The following BRCA2 variants were observed in gnomAD, a reference collection of about 807,000 sequenced individuals.
The protein encoded by BRCA2 is breast cancer type 2 susceptibility protein.
BRCA2 carries 203 observed loss-of-function variants against 276.7 expected under a neutral mutation model. The ratio of observed to expected loss-of-function variants is 0.73; its 90% CI spans 0.65 to 0.82. The LOEUF (loss-of-function observed/expected upper bound fraction) is 0.82, where lower values mean the gene tolerates loss of function less well. BRCA2 is among the 40% of genes least tolerant of loss of function. The pLI, the probability that BRCA2 is intolerant of heterozygous loss-of-function variation, is 0.00. For missense variants in BRCA2, 3,920 were observed against 3,915.0 expected, an observed-to-expected ratio of 1.00 and a Z score of -0.03; for synonymous variants, 1,289 against 1,338.4, an observed-to-expected ratio of 0.96 and a Z score of 0.81.
In BRCA2 at chr13:32,337,740, C is replaced by CA. The variant is rs431825305; in HGVS notation, c.3386dup (p.Phe1130ValfsTer2). ...ATCAGGAAGTCAGTTTGAATTTACT[C>CA]AGTTTAGAAAACCAAGCTACATATT... On this transcript the variant is annotated frameshift_variant, in exon 11 of 27. Transcript: ENST00000380152. LOFTEE classifies it high-confidence loss of function. The CA allele has an allele frequency of 6.2e-7, 1 of 1,613,608 alleles. No individual in the cohort carries two copies. The highest frequency in any genetic ancestry group is 8.5e-7 in the Non-Finnish European group (1 of 1,179,784).
intron 9 of BRCA2, 68 bp from the exon 10 acceptor site, chr13:32,332,204 G>C (rs1288838463): frequency 1.4e-6 from 2 of 1,398,776 alleles, no homozygotes; most frequent in Non-Finnish European, 2.0e-6. Flanking sequence ...TATGAGAAAG[G>C]TTGTGAGAAT....
intron 15 of BRCA2, 28 bp from the exon 16 acceptor site, chr13:32,357,710 TTTTC>T: frequency 6.3e-7 from 1 of 1,594,148 alleles, no homozygotes; most frequent in Non-Finnish European, 8.6e-7. Context: ...TTTAAATTGT[TTTTC>T]TTTTTTGTGT....
intron 13 of BRCA2, among the ~76,000 whole-genome samples, chr13:32,351,149 G>GT (rs2072647339): frequency 6.6e-6 from 1 of 152,132 alleles, no homozygotes; most frequent in Non-Finnish European, 1.5e-5. Flanking sequence ...TGGAATCTTT[G>GT]TTTTTTCACT....
intron 22 of BRCA2, 25 bp from the exon 23 acceptor site, chr13:32,379,725 A>G: frequency 6.2e-7 from 1 of 1,600,280 alleles, no homozygotes; most frequent in Non-Finnish European, 8.6e-7. Context: ...CTTCCATTGC[A>G]TCTTTCTCAT....
chr13:32,344,042 T>G (rs2072591962), intron 11 of BRCA2, among the ~76,000 whole-genome samples: 1 of 152,078 alleles, frequency 6.6e-6, no homozygotes, highest in Admixed American at 6.6e-5. Context: ...GTAGAATTTT[T>G]AAATAAGAAT....
At position 32,337,654 on chromosome 13, in the gene BRCA2, A is replaced by G; in HGVS notation, c.3299A>G (p.Asn1100Ser). Residue 1100 changes from asparagine to serine, a missense_variant, in exon 11 of 27, where the codon AAC (asparagine) becomes AGC (serine). Physicochemically the swap from Asn to Ser is conservative, Grantham distance 46. Coordinates refer to ENST00000380152, the MANE Select transcript of BRCA2 (RefSeq NM_000059.4). ...TTTTCCAAGCAGGATTTTAATTCAA[A>G]CCATAATTTAACACCTAGCCAAAAG... ...MLFSKQDFNSNHNLTPSQKAE... is the reference protein window; with the variant it reads ...MLFSKQDFNSSHNLTPSQKAE... 1 of 1,588,766 alleles carries G rather than the reference A, an allele frequency of 6.3e-7. No homozygotes were observed.
rs878853612 is a variant in BRCA2 at position 32,376,779 on chromosome 13, A to G, written c.8742A>G (p.Pro2914=). 1.2e-6 allele frequency: 2 copies of G among 1,614,032 alleles called. No individual in the cohort carries two copies. Among genetic ancestry groups the G allele is most frequent in the Non-Finnish European group, 1.7e-6 (2 of 1,180,024 alleles). The change falls in exon 21 of 27, where the codon CCA becomes CCG. Residue 2914 remains proline, a synonymous_variant. Transcript: ENST00000380152. ...LYEAVKNAAD[P]AYLEGYFSEE... is the part of the protein sequence containing the mutation. Reference sequence around the variant, plus strand: ...AAGCAGTGAAGAATGCAGCAGACCCAGCTTACCTTGAGGTGAGAGAGTAAG... The same window carrying G: ...AAGCAGTGAAGAATGCAGCAGACCCGGCTTACCTTGAGGTGAGAGAGTAAG...
At chr13:32,396,874 C>A in intron 25 of BRCA2, 24 bp from the exon 26 acceptor site, 1 of 1,613,782 alleles carries the variant, frequency 6.2e-7, no homozygotes, top group Non-Finnish European at 8.5e-7. Flanking sequence ...ATTTATAAAG[C>A]AGCTTTTCCA....
At position 32,385,412 on chromosome 13, in the gene BRCA2, C is replaced by T. The variant is rs546264093; in HGVS notation, c.9256+5267C>T. On this transcript the variant is annotated intron_variant, in intron 24 of 26. Coordinates refer to ENST00000380152, the MANE Select transcript of BRCA2 (RefSeq NM_000059.4). ...GCTCTGGCCAATACGTCCATGCAGA[C>T]CTTTGTCTTTGGATATGTCTTTGGA... 11 of 215,296 alleles carry T rather than the reference C, an allele frequency of 5.1e-5. No homozygotes were observed. The East Asian group carries it at 1.0e-3, about 20-fold the overall frequency. The allele number at this position is 215,296 out of a possible 1,614,324, so 13.3% of individuals were successfully genotyped here. A position where few individuals can be genotyped will look rare whatever the true frequency, so the allele number is the denominator to read the frequency against.
At chr13:32,359,390 A>G (rs1167392875) in intron 16 of BRCA2, among the ~76,000 whole-genome samples, 2 of 152,164 alleles carry the variant, frequency 1.3e-5, no homozygotes, top group African/African-American at 4.8e-5. Flanking sequence ...CAATAATGCC[A>G]AATAACTAGA....
rs746274489 is a variant in BRCA2 at position 32,339,372 on chromosome 13, A to T, written c.5017A>T (p.Thr1673Ser). Residue 1673 changes from threonine to serine, a missense_variant, in exon 11 of 27, where the codon ACA (threonine) becomes TCA (serine). Physicochemically the swap from Thr to Ser is moderately conservative, Grantham distance 58. Coordinates refer to ENST00000380152, the MANE Select transcript of BRCA2 (RefSeq NM_000059.4). ...TGAAAATTCAGCCTTAGCTTTTTAC[A>T]CAAGTTGTAGTAGAAAAACTTCTGT... ...VIENSALAFY[T>S]SCSRKTSVSQ... 6.3e-7 allele frequency: 1 copy of T among 1,591,734 alleles called. No homozygotes were observed. The highest frequency in any genetic ancestry group is 1.4e-5 in the African/African-American group (1 of 73,750).
chr13:32,322,651 A>G (rs1458192839), intron 3 of BRCA2, among the ~76,000 whole-genome samples: 1 of 152,222 alleles, frequency 6.6e-6, no homozygotes, highest in East Asian at 1.9e-4. Flanking sequence ...CGTGGGTGTC[A>G]TGGCCATCAC....
intron 16 of BRCA2, among the ~76,000 whole-genome samples, chr13:32,361,984 T>C (rs2072740173): frequency 6.6e-6 from 1 of 152,166 alleles, no homozygotes; most frequent in Non-Finnish European, 1.5e-5. Flanking sequence ...GGAACAAATA[T>C]GAGTTGAAAT....
Position 32,380,604 on chromosome 13 carries a change from T to A in BRCA2, c.9256+459T>A, listed in dbSNP as rs206145. Among the ~76,000 whole-genome samples, 145,381 of 148,146 alleles carry A rather than the reference T, an allele frequency of 0.98. 71,397 individuals carry two copies. The highest frequency in any genetic ancestry group is 1 in the East Asian group (4,975 of 4,976). On this transcript the variant is annotated intron_variant, in intron 24 of 26. Transcript: ENST00000380152. ...TGCCCAGGCTGGAGTGCAGTGGCGC[T>A]ATCTCAGCCCACTGCAAGTTCTGCC...
At chr13:32,353,570 A>G (rs1487902662) in intron 13 of BRCA2, among the ~76,000 whole-genome samples, 2 of 152,130 alleles carry the variant, frequency 1.3e-5, no homozygotes, top group East Asian at 3.9e-4. Context: ...TGCTCCAGGC[A>G]CACTTGTGTC....
chr13:32,337,230 G>A lies in BRCA2; in HGVS notation c.2875G>A (p.Val959Ile), dbSNP rs1555282921. 4 of 1,612,492 alleles carry A rather than the reference G, an allele frequency of 2.5e-6. No homozygotes were observed. Among genetic ancestry groups the A allele is most frequent in the Non-Finnish European group, 3.4e-6 (4 of 1,179,536 alleles). Reference sequence around the variant, plus strand: ...TCTTGCAGAGGAGAACAAAAATAGTGTAAAGCAGCATATAAAAATGACTCT... The same window carrying A: ...TCTTGCAGAGGAGAACAAAAATAGTATAAAGCAGCATATAAAAATGACTCT... ...YVLAEENKNS[V>I]KQHIKMTLGQ... Residue 959 changes from valine (V) to isoleucine (I), a missense_variant, in exon 11 of 27, where the codon GTA becomes ATA. Val to Ile is a conservative substitution (Grantham distance 29, BLOSUM62 3). This residue lies in a region of BRCA2 where 3,263 missense variants were observed against 3,156.9 expected (regional missense o/e 1.03). Coordinates refer to ENST00000380152, the MANE Select transcript of BRCA2 (RefSeq NM_000059.4).
intron 20 of BRCA2, 94 bp downstream of exon 20, chr13:32,371,194 T>A (rs1426429441): frequency 7.3e-7 from 1 of 1,370,338 alleles, no homozygotes; most frequent in Non-Finnish European, 1.0e-6. Context: ...GTAAATTGTT[T>A]TTATTTTGAG....
intron 10 of BRCA2, 65 bp downstream of exon 10, chr13:32,333,452 G>GT (rs2137476663): frequency 2.0e-6 from 3 of 1,518,828 alleles, no homozygotes; most frequent in South Asian, 1.2e-5. Flanking sequence ...TTCCTTCTGT[G>GT]TTTTTTTCTG....
chr13:32,337,043 T>C lies in BRCA2; in HGVS notation c.2688T>C (p.Asn896=), dbSNP rs769652613. 1.9e-6 allele frequency: 3 copies of C among 1,600,362 alleles called. No individual in the cohort carries two copies. Among genetic ancestry groups the C allele is most frequent in the Non-Finnish European group, 2.6e-6 (3 of 1,175,574 alleles). ...ATAATTTTGTCTTCCAAGTAGCTAA[T>C]GAAAGGAATAATCTTGCTTTAGGAA... ...NENNFVFQVA[N]ERNNLALGNT... is the part of the protein sequence containing the mutation. The change falls in exon 11 of 27, where the codon AAT becomes AAC. Residue 896 remains asparagine, a synonymous_variant. Coordinates refer to ENST00000380152, the MANE Select transcript of BRCA2 (RefSeq NM_000059.4).
Sources: allele counts gnomAD v4.1 joint callset (sites outside exome capture counted in the v4.1 genomes callset), GRCh38; gene constraint gnomAD v4.1.1; regional missense constraint gnomAD v4.1.1; transcripts MANE v1.5; gene names NCBI Gene and HGNC (gene_info 2026-07-23, HGNC 2026-07-21).